Variants in DGKB observed in about 807,000 individuals in gnomAD.
DGKB encodes the protein diacylglycerol kinase beta, also known as 90 kDa diacylglycerol kinase.
A neutral mutation model predicts 114.3 loss-of-function variants in DGKB; 67 were observed. That is an observed-to-expected ratio of 0.59 (90% CI 0.48 to 0.72). The LOEUF (loss-of-function observed/expected upper bound fraction) is 0.72, where lower values mean the gene tolerates loss of function less well. Ranked by LOEUF, DGKB falls within the 30% of genes least tolerant of loss-of-function variation. The pLI is 0.00. For synonymous variants in DGKB, 398 were observed against 323.1 expected (o/e 1.23, Z -2.49); for missense variants, 907 against 975.2 (o/e 0.93, Z 0.93).
At chr7:14,729,372 T>A (rs559141396) in intron 5 of DGKB, among the ~76,000 whole-genome samples, 2 of 152,232 alleles carry the variant, frequency 1.3e-5, no homozygotes, top group Admixed American at 6.5e-5. Flanking sequence ...TTCGCCCACC[T>A]TGGCCTCCCA....
intron 1 of DGKB, among the ~76,000 whole-genome samples, chr7:14,929,975 C>T (rs1202010730): frequency 6.6e-6 from 1 of 152,030 alleles, no homozygotes; most frequent in Non-Finnish European, 1.5e-5. Context: ...TTATTGAAAA[C>T]TGTGTCCTTT....
At chr7:14,762,122 T>C (rs1835787967) in intron 2 of DGKB, among the ~76,000 whole-genome samples, 1 of 152,134 alleles carries the variant, frequency 6.6e-6, no homozygotes, top group South Asian at 2.1e-4. Context: ...GCTGAGACAA[T>C]GGGCTGTCTT....
intron 2 of DGKB, among the ~76,000 whole-genome samples, chr7:14,799,186 G>A (rs1438121781): frequency 6.6e-6 from 1 of 152,172 alleles, no homozygotes; most frequent in African/African-American, 2.4e-5. Context: ...CTGGTACCTG[G>A]TATAGAGCTG....
chr7:14,740,860 G>A (rs1397313708), intron 4 of DGKB, among the ~76,000 whole-genome samples: 1 of 152,134 alleles, frequency 6.6e-6, no homozygotes, highest in Non-Finnish European at 1.5e-5. Context: ...CCCTGTTGTG[G>A]TCACCAGGCC....
At chr7:14,852,320 AT>A (rs527735540) in intron 1 of DGKB, among the ~76,000 whole-genome samples, 40 of 151,440 alleles carry the variant, frequency 2.6e-4, no homozygotes, top group Admixed American at 2.3e-3. Flanking sequence ...GTTTAATTTA[AT>A]TTACCATTCT....
chr7:14,604,398 T>TA (rs1227213950), intron 17 of DGKB, among the ~76,000 whole-genome samples: 2 of 152,024 alleles, frequency 1.3e-5, no homozygotes, highest in African/African-American at 4.8e-5. Context: ...AAAGTTGGGA[T>TA]AAAAGAAGAG....
At chr7:14,329,592 G>A (rs1809358417) in intron 23 of DGKB, among the ~76,000 whole-genome samples, 1 of 151,778 alleles carries the variant, frequency 6.6e-6, no homozygotes, top group East Asian at 1.9e-4. Flanking sequence ...GTTCTTTCAT[G>A]CTTATAATTT....
intron 20 of DGKB, among the ~76,000 whole-genome samples, chr7:14,478,821 A>C (rs1422020696): frequency 6.6e-6 from 1 of 151,988 alleles, no homozygotes; most frequent in Non-Finnish European, 1.5e-5. Flanking sequence ...AAACAACAAC[A>C]AAGAGAAACA....
chr7:14,590,057 G>A (rs1258793825), intron 17 of DGKB, among the ~76,000 whole-genome samples: 2 of 151,320 alleles, frequency 1.3e-5, no homozygotes, highest in African/African-American at 2.4e-5. Context: ...TATACCTAAT[G>A]CTAGATGACA....
chr7:14,231,700 A>C (rs890367566), intron 23 of DGKB, among the ~76,000 whole-genome samples: 1 of 151,922 alleles, frequency 6.6e-6, no homozygotes, highest in South Asian at 2.1e-4. Context: ...TCTGCTATAC[A>C]GAAAAAAAAA....
At chr7:14,532,354 T>C (rs903112596) in intron 20 of DGKB, among the ~76,000 whole-genome samples, 2 of 151,194 alleles carry the variant, frequency 1.3e-5, no homozygotes, top group East Asian at 3.9e-4. Flanking sequence ...TCAGCTAGGA[T>C]ACAAAACAAG....
At chr7:14,974,570 T>C (rs1787682399) in intron 1 of DGKB, 1 of 152,106 alleles carries the variant, frequency 6.6e-6, no homozygotes, top group Non-Finnish European at 1.5e-5. Flanking sequence ...GTGCAAAATA[T>C]AAGCAAATAA....
At chr7:14,804,257 G>T (rs941590006) in intron 2 of DGKB, among the ~76,000 whole-genome samples, 4 of 151,658 alleles carry the variant, frequency 2.6e-5, no homozygotes, top group Non-Finnish European at 5.9e-5. Context: ...GTCTTCTGAT[G>T]TCTCTTATTG....
At chr7:14,721,715 C>T (rs1323452086) in intron 5 of DGKB, among the ~76,000 whole-genome samples, 33 of 151,948 alleles carry the variant, frequency 2.2e-4, no homozygotes, top group Admixed American at 2.2e-3. Context: ...TCCTTAAGTC[C>T]AATAGCAGCC....
intron 13 of DGKB, among the ~76,000 whole-genome samples, chr7:14,671,748 C>T (rs1474978645): frequency 1.3e-5 from 2 of 151,868 alleles, no homozygotes; most frequent in African/African-American, 4.8e-5. Flanking sequence ...AAAAATGCAT[C>T]TAAACCAGTA....
chr7:14,798,313 A>G (rs1841693117), intron 2 of DGKB, among the ~76,000 whole-genome samples: 1 of 152,138 alleles, frequency 6.6e-6, no homozygotes, highest in Non-Finnish European at 1.5e-5. Context: ...TATCGCTATC[A>G]ATAAGACTAC....
intron 23 of DGKB, among the ~76,000 whole-genome samples, chr7:14,198,149 G>C (rs1036918013): frequency 1.1e-4 from 17 of 152,076 alleles, no homozygotes; most frequent in Non-Finnish European, 1.5e-4. Flanking sequence ...TGAGTTGTAA[G>C]TAAAAAGGAT....
chr7:14,864,114 A>AT (rs1362121108), intron 1 of DGKB, among the ~76,000 whole-genome samples: 1 of 152,024 alleles, frequency 6.6e-6, no homozygotes, highest in Non-Finnish European at 1.5e-5. Context: ...AAAAAAAAAA[A>AT]AAAAGGGAAC....
At chr7:14,682,191 G>T (rs780591564) in intron 12 of DGKB, among the ~76,000 whole-genome samples, 2 of 151,930 alleles carry the variant, frequency 1.3e-5, no homozygotes, top group African/African-American at 2.4e-5. Flanking sequence ...TATTAAACAG[G>T]GTTGTGGAGT....
Sources: allele counts gnomAD v4.1 joint callset (sites outside exome capture counted in the v4.1 genomes callset), GRCh38; gene constraint gnomAD v4.1.1; transcripts MANE v1.5; gene names NCBI Gene and HGNC (gene_info 2026-07-23, HGNC 2026-07-21).